Variants in LIPC observed in about 807,000 individuals in gnomAD.
LIPC encodes lipase C, hepatic type, also known as hepatic triacylglycerol lipase.
In LIPC, 44 loss-of-function variants were observed where a neutral mutation model predicts 50.7. The observed-to-expected ratio is 0.87, with a 90% confidence interval of 0.68 to 1.11. The LOEUF (loss-of-function observed/expected upper bound fraction) is 1.11, where lower values mean the gene tolerates loss of function less well. LIPC is among the 50% of genes most tolerant of loss of function. LIPC has a pLI of 0.00. For missense variants in LIPC, 697 were observed against 648.2 expected, an observed-to-expected ratio of 1.08 and a Z score of -0.82; for synonymous variants, 271 against 256.4, an observed-to-expected ratio of 1.06 and a Z score of -0.54.
intron 1 of LIPC, among the ~76,000 whole-genome samples, chr15:58,469,140 G>GTC (rs1192538626): frequency 2.7e-5 from 4 of 148,298 alleles, no homozygotes; most frequent in South Asian, 2.1e-4. Flanking sequence ...GTGTGTGTGT[G>GTC]TGTACGCCTT....
Position 58,516,237 on chromosome 15 carries a change from CTTTTTTTTTTTTT to C in LIPC, c.89-22083_89-22071del, listed in dbSNP as rs11351202. Among the ~76,000 whole-genome samples, 11 of 45,164 alleles carry C rather than the reference CTTTTTTTTTTTTT, an allele frequency of 2.4e-4. No homozygotes were observed. In the Middle Eastern group the frequency reaches 0.071, roughly 293 times the overall value. 29.6% of individuals were successfully genotyped at this position (45,164 alleles called of 152,430 possible). ...CAGTTTGACTTTTTACCTCTAGCTT[CTTTTTTTTTTTTT>C]TTTTTTTTTTTTGGTCACTGGTTTT... On this transcript the variant is annotated intron_variant, in intron 1 of 8. Coordinates refer to ENST00000299022, the MANE Select transcript of LIPC (RefSeq NM_000236.3).
intron 1 of LIPC, among the ~76,000 whole-genome samples, chr15:58,467,709 A>C (rs1295015990): frequency 6.6e-6 from 1 of 152,150 alleles, no homozygotes; most frequent in East Asian, 1.9e-4. Context: ...TCTATGTTTT[A>C]TTTTGGAAAC....
chr15:58,511,882 T>TG (rs1306909569), intron 1 of LIPC, among the ~76,000 whole-genome samples: 5 of 152,132 alleles, frequency 3.3e-5, no homozygotes, highest in Non-Finnish European at 5.9e-5. Context: ...ATTGATGTCG[T>TG]GGGGGAGTGT....
At chr15:58,564,723 C>T (rs1203103534) in intron 8 of LIPC, among the ~76,000 whole-genome samples, 3 of 151,798 alleles carry the variant, frequency 2.0e-5, no homozygotes, top group Non-Finnish European at 2.9e-5. Flanking sequence ...AGAGAGACTC[C>T]GTCTCAAAAA....
rs139087900 is a variant in LIPC, at chr15:58,501,810, T to G, written c.89-36523T>G. Among the ~76,000 whole-genome samples, 62 of 152,318 alleles carry G rather than the reference T, an allele frequency of 4.1e-4. No homozygotes were observed. The East Asian group carries it at 8.3e-3, about 20-fold the overall frequency. ...CCCAGTTCATCCAGCTCTGACACTG[T>G]GGCCTGAGGACAGACACTGATGCTA... On this transcript the variant is annotated intron_variant, in intron 1 of 8. Coordinates refer to ENST00000299022, the MANE Select transcript of LIPC (RefSeq NM_000236.3).
intron 1 of LIPC, among the ~76,000 whole-genome samples, chr15:58,531,364 G>C (rs1199368353): frequency 2.0e-5 from 3 of 152,116 alleles, no homozygotes; most frequent in Non-Finnish European, 4.4e-5. Context: ...AGGGAAGCAA[G>C]CCCCACTTTC....
At chr15:58,518,257 G>C (rs2140870789) in intron 1 of LIPC, among the ~76,000 whole-genome samples, 1 of 152,314 alleles carries the variant, frequency 6.6e-6, no homozygotes, top group South Asian at 2.1e-4. Context: ...CCCAAGGTGG[G>C]GGAAGGTAAC....
intron 3 of LIPC, 32 bp downstream of exon 3, chr15:58,541,999 C>T: frequency 6.3e-7 from 1 of 1,586,266 alleles, no homozygotes; most frequent in African/African-American, 1.3e-5. Context: ...CCTTCACCTC[C>T]CTTCCCTCCT....
At chr15:58,471,383 A>AATG (rs1427610895) in intron 1 of LIPC, among the ~76,000 whole-genome samples, 1 of 150,414 alleles carries the variant, frequency 6.6e-6, no homozygotes, top group African/African-American at 2.4e-5. Context: ...CTTGACCTCA[A>AATG]ATGATCCACC....
At chr15:58,529,374 A>G (rs1445969100) in intron 1 of LIPC, among the ~76,000 whole-genome samples, 1 of 152,164 alleles carries the variant, frequency 6.6e-6, no homozygotes, top group Non-Finnish European at 1.5e-5. Context: ...CCTCTGGGAG[A>G]GAAAGAAAAA....
At chr15:58,505,300 C>T (rs1869145) in intron 1 of LIPC, among the ~76,000 whole-genome samples, 115,688 of 152,242 alleles carry the variant, frequency 0.76, 44,048 homozygotes, top group Middle Eastern at 0.82. Flanking sequence ...ACCAGCCATG[C>T]GGCCTCAGGC....
intron 1 of LIPC, among the ~76,000 whole-genome samples, chr15:58,536,769 T>C (rs2140902777): frequency 6.6e-6 from 1 of 152,360 alleles, no homozygotes; most frequent in East Asian, 1.9e-4. Context: ...CACCTCCTTT[T>C]AATAAAATAT....
In LIPC at chr15:58,568,926, C is replaced by T. The variant is rs909939292; in HGVS notation, c.*99C>T. 1.8e-5 allele frequency: 12 copies of T among 672,334 alleles called. No individual in the cohort carries two copies. Among genetic ancestry groups the T allele is most frequent in the Non-Finnish European group, 3.0e-5 (12 of 399,804 alleles). The allele number at this position is 672,334 out of a possible 1,614,324, so 41.6% of individuals were successfully genotyped here. A position where few individuals can be genotyped will look rare whatever the true frequency, so the allele number is the denominator to read the frequency against. On this transcript the variant is annotated 3_prime_UTR_variant, in exon 9 of 9. Coordinates refer to ENST00000299022, the MANE Select transcript of LIPC (RefSeq NM_000236.3). The stretch of plus-strand genomic sequence containing the variant: ...CCAAAATTACATAAAGAATCTCACA[C>T]AAAGCTTAAATAAAGTTTAGATTTA...
Position 58,563,496 on chromosome 15 carries a change from G to A in LIPC, c.1170-9G>A, listed in dbSNP as rs1191256342. On this transcript the variant is annotated splice_polypyrimidine_tract_variant and intron_variant, in intron 7 of 8. Transcript: ENST00000299022. ...ACTGATTGTGTCTGATTTTCTTTGTGTATTCAAGGGGCAAAGGAATTGCTA... is the reference window on the plus strand; with the variant it reads ...ACTGATTGTGTCTGATTTTCTTTGTATATTCAAGGGGCAAAGGAATTGCTA... 3 of 1,608,716 alleles carry A rather than the reference G, an allele frequency of 1.9e-6. No individual in the cohort carries two copies. Among genetic ancestry groups the A allele is most frequent in the South Asian group, 1.1e-5 (1 of 90,954 alleles).
chr15:58,533,061 T>A lies in LIPC; in HGVS notation c.89-5272T>A, dbSNP rs76355939. 7.6e-6 allele frequency: 5 copies of A among 656,278 alleles called. No individual in the cohort carries two copies. In the African/African-American group the frequency reaches 9.9e-5, roughly 13 times the overall value. 40.7% of individuals were successfully genotyped at this position (656,278 alleles called of 1,614,324 possible). A position where few individuals can be genotyped will look rare whatever the true frequency, so the allele number is the denominator to read the frequency against. On this transcript the variant is annotated intron_variant, in intron 1 of 8. Coordinates refer to ENST00000299022, the MANE Select transcript of LIPC (RefSeq NM_000236.3). Reference sequence around the variant, plus strand: ...TTCCTGGATACAGGGGCTGAATCCCTTGATGGATTTGATCACTTACCTCAA... The same window carrying A: ...TTCCTGGATACAGGGGCTGAATCCCATGATGGATTTGATCACTTACCTCAA...
intron 5 of LIPC, 30 bp from the exon 6 acceptor site, chr15:58,548,300 T>A (rs1188417358): frequency 1.2e-6 from 2 of 1,613,576 alleles, no homozygotes; most frequent in South Asian, 2.2e-5. Flanking sequence ...GGTTAAGGGG[T>A]GATAACGTCC....
At position 58,569,511 on chromosome 15, in the gene LIPC, T is replaced by C. The variant is rs1894484714; in HGVS notation, c.*684T>C. The C allele has an allele frequency of 6.6e-6, 1 of 152,222 alleles. No individual in the cohort carries two copies. Among genetic ancestry groups the C allele is most frequent in the Non-Finnish European group, 1.5e-5 (1 of 68,044 alleles). The allele number at this position is 152,222 out of a possible 1,614,324, so 9.4% of individuals were successfully genotyped here. On this transcript the variant is annotated 3_prime_UTR_variant, in exon 9 of 9. Coordinates refer to ENST00000299022, the MANE Select transcript of LIPC (RefSeq NM_000236.3). Reference sequence around the variant, plus strand: ...TGCAACAAAAGCTAATTTTAAAAACTTGGAATGTCTCAAAGCATTTGCTAT... The same window carrying C: ...TGCAACAAAAGCTAATTTTAAAAACCTGGAATGTCTCAAAGCATTTGCTAT...
chr15:58,543,431 G>A (rs1480236969), intron 4 of LIPC, among the ~76,000 whole-genome samples: 2 of 151,914 alleles, frequency 1.3e-5, no homozygotes, highest in African/African-American at 2.4e-5. Context: ...ACGACACAAG[G>A]TTTTTCTCTA....
At chr15:58,469,633 C>T (rs1894712228) in intron 1 of LIPC, among the ~76,000 whole-genome samples, 5 of 151,766 alleles carry the variant, frequency 3.3e-5, no homozygotes, top group Admixed American at 3.3e-4. Flanking sequence ...GGTAAGAGAA[C>T]TGGGACCTTC....
Sources: gnomAD v4.1 joint callset for allele counts (sites outside exome capture counted in the v4.1 genomes callset) on GRCh38, gnomAD v4.1.1 for gene constraint, MANE v1.5 for transcripts, NCBI Gene and HGNC (gene_info 2026-07-23, HGNC 2026-07-21) for gene names.